NUTM2B: variants seen among roughly 807,000 people sequenced by gnomAD.
NUTM2B encodes family with sequence similarity 22, member B.
In NUTM2B, 2 loss-of-function variants were observed where a neutral mutation model predicts 42.4. The observed-to-expected ratio is 0.05, with a 90% confidence interval of 0.02 to 0.15. The LOEUF (loss-of-function observed/expected upper bound fraction) is 0.15, where lower values mean the gene tolerates loss of function less well. NUTM2B is among the 10% of genes least tolerant of loss of function. The probability of loss-of-function intolerance (pLI) is 1.00; values close to 1 mark genes in which losing one functional copy is unlikely to be tolerated. For missense variants in NUTM2B, 58 were observed against 952.6 expected (o/e 0.06, Z 12.36); for synonymous variants, 18 against 402.4 (o/e 0.04, Z 11.43).
intron 1 of NUTM2B, among the ~76,000 whole-genome samples, chr10:79,704,932 C>A (rs879417753): frequency 0.019 from 2,775 of 145,914 alleles, no homozygotes; most frequent in African/African-American, 0.061. Flanking sequence ...AGATGGTTCT[C>A]TTATTATTAT....
chr10:79,695,978 T>C, the NUTM2B span, among the ~76,000 whole-genome samples: 1 of 148,802 alleles, frequency 6.7e-6, no homozygotes, highest in Non-Finnish European at 1.5e-5. Context: ...GAACCACCTA[T>C]TTAGGAGTAA....
chr10:79,702,466 G>C (rs535804222), upstream of NUTM2B, among the ~76,000 whole-genome samples: 42 of 151,434 alleles, frequency 2.8e-4, no homozygotes, highest in African/African-American at 5.6e-4. Flanking sequence ...CCCTGGGCTT[G>C]AGACTTGCAA....
upstream of NUTM2B, among the ~76,000 whole-genome samples, chr10:79,702,620 G>T (rs76498006): frequency 0.028 from 4,275 of 150,640 alleles, 71 homozygotes; most frequent in Non-Finnish European, 0.043. Flanking sequence ...AATGTTTGCA[G>T]TGTGCACCGG....
chr10:79,711,905 G>C (rs1387168656), exon 7 of NUTM2B: 1 of 1,533,450 alleles, frequency 6.5e-7, no homozygotes, highest in Non-Finnish European at 8.8e-7. Flanking sequence ...GGACGAGGCA[G>C]AGCACACACT....
the NUTM2B span, among the ~76,000 whole-genome samples, chr10:79,695,639 A>G: frequency 1.3e-5 from 2 of 152,086 alleles, no homozygotes; most frequent in African/African-American, 2.4e-5. Context: ...ATCTCGTGGA[A>G]CGTATGTTAG....
the NUTM2B span, among the ~76,000 whole-genome samples, chr10:79,695,890 G>A: frequency 1.3e-5 from 2 of 151,284 alleles, no homozygotes; most frequent in African/African-American, 4.9e-5. Flanking sequence ...CCTGCCTAAG[G>A]TGCAGGTACC....
At chr10:79,697,650 A>AT in the NUTM2B span, among the ~76,000 whole-genome samples, 1 of 151,326 alleles carries the variant, frequency 6.6e-6, no homozygotes, top group African/African-American at 2.4e-5. Context: ...TCAAATTTCT[A>AT]TTTTTTTCTT....
At chr10:79,693,975 G>A in the NUTM2B span, among the ~76,000 whole-genome samples, 4 of 152,296 alleles carry the variant, frequency 2.6e-5, no homozygotes, top group African/African-American at 9.6e-5. Context: ...ACAAATCCTC[G>A]GGTGAGTCTG....
At chr10:79,709,543 A>G (rs1323569086) in intron 3 of NUTM2B, among the ~76,000 whole-genome samples, 2 of 127,628 alleles carry the variant, frequency 1.6e-5, no homozygotes, top group African/African-American at 6.1e-5. Flanking sequence ...GTCCCCCGAG[A>G]CCCTCCTGGA....
intron 2 of NUTM2B, among the ~76,000 whole-genome samples, chr10:79,707,153 C>A (rs1166747248): frequency 7.6e-6 from 1 of 132,182 alleles, no homozygotes; most frequent in East Asian, 2.5e-4. Flanking sequence ...GCTGCAGGGC[C>A]CAGCAGGAAC....
intron 3 of NUTM2B, among the ~76,000 whole-genome samples, chr10:79,709,325 C>T (rs1303081033): frequency 7.4e-6 from 1 of 135,808 alleles, no homozygotes; most frequent in Non-Finnish European, 1.6e-5. Flanking sequence ...TGAAGGCAGA[C>T]AGATAGACAG....
At chr10:79,709,568 G>A (rs1032152190) in intron 3 of NUTM2B, among the ~76,000 whole-genome samples, 4 of 130,562 alleles carry the variant, frequency 3.1e-5, no homozygotes, top group Admixed American at 8.0e-5. Flanking sequence ...GTGGCCCTGA[G>A]TTGAGTCAGG....
At chr10:79,692,692 G>A in the NUTM2B span, among the ~76,000 whole-genome samples, 49 of 152,288 alleles carry the variant, frequency 3.2e-4, no homozygotes, top group African/African-American at 1.1e-3. Flanking sequence ...CTTGCTGGTA[G>A]AACACCCCAT....
the NUTM2B span, among the ~76,000 whole-genome samples, chr10:79,693,724 A>G: frequency 1.3e-5 from 2 of 152,322 alleles, no homozygotes; most frequent in East Asian, 3.9e-4. Context: ...TAAGACATAT[A>G]TTATAAAAGC....
chr10:79,698,078 C>A, the NUTM2B span, among the ~76,000 whole-genome samples: 1 of 151,544 alleles, frequency 6.6e-6, no homozygotes, highest in Non-Finnish European at 1.5e-5. Flanking sequence ...ACCACTAAGT[C>A]TTAATATACC....
chr10:79,694,347 G>A, the NUTM2B span, among the ~76,000 whole-genome samples: 8 of 150,960 alleles, frequency 5.3e-5, no homozygotes, highest in African/African-American at 1.7e-4. Flanking sequence ...GCAGTGAGCC[G>A]AGATCGTGCC....
intron 2 of NUTM2B, among the ~76,000 whole-genome samples, chr10:79,708,309 G>GT (rs1840426692): frequency 1.7e-5 from 1 of 59,042 alleles, no homozygotes; most frequent in Non-Finnish European, 3.3e-5. Flanking sequence ...GAGCCCTGGC[G>GT]TCTCCTTCTG....
At chr10:79,704,846 G>T (rs1281946072) in intron 1 of NUTM2B, among the ~76,000 whole-genome samples, 1 of 146,598 alleles carries the variant, frequency 6.8e-6, no homozygotes, top group African/African-American at 2.5e-5. Flanking sequence ...GTGGATTCTT[G>T]CTGGTTCTCA....
chr10:79,699,240 A>C (rs1167549445), upstream of NUTM2B, among the ~76,000 whole-genome samples: 1 of 151,964 alleles, frequency 6.6e-6, no homozygotes, highest in African/African-American at 2.4e-5. Flanking sequence ...GCCCATGTGC[A>C]CAAGATAATT....
Sources: allele counts gnomAD v4.1 joint callset (sites outside exome capture counted in the v4.1 genomes callset), GRCh38; gene constraint gnomAD v4.1.1; transcripts MANE v1.5; gene names NCBI Gene and HGNC (gene_info 2026-07-23, HGNC 2026-07-21).